Variants in NIPA2 observed in about 807,000 individuals in gnomAD.
The protein encoded by NIPA2 is NIPA magnesium transporter 2, also known as magnesium transporter NIPA2.
NIPA2 carries 11 observed loss-of-function variants against 29.7 expected under a neutral mutation model. The observed-to-expected ratio is 0.37, with a 90% CI of 0.23 to 0.61. The LOEUF is 0.61. Ranked by LOEUF, NIPA2 falls within the 20% of genes least tolerant of loss-of-function variation. NIPA2 has a pLI of 0.66. For missense variants in NIPA2, 426 were observed against 437.9 expected (o/e 0.97, Z 0.24); for synonymous variants, 183 against 161.9 (o/e 1.13, Z -0.99).
At chr15:22,866,089 A>T in intron 7 of NIPA2, 124 bp from the exon 8 acceptor site, 1 of 769,512 alleles carries the variant, frequency 1.3e-6, no homozygotes, top group Non-Finnish European at 2.1e-6. Context: ...CTGCAAAATA[A>T]AGCTGATTTT....
Position 22,851,763 on chromosome 15 carries a change from A to T in NIPA2, c.32A>T (p.Tyr11Phe). The T allele has an allele frequency of 6.2e-7, 1 of 1,613,352 alleles. No individual in the cohort carries two copies. The highest frequency in any genetic ancestry group is 8.5e-7 in the Non-Finnish European group (1 of 1,179,660). The change falls in exon 4 of 8, where the codon TAT becomes TTT. Residue 11 changes from tyrosine to phenylalanine, a missense_variant. By Grantham distance (22) the Tyr-to-Phe change is conservative. Around this residue, in one of 3 missense-constraint regions of NIPA2, gnomAD observed 57 missense variants for 66.6 expected, o/e 0.86. Transcript: ENST00000337451. ...CAGGGGCGTGGAAAATATGACTTCT[A>T]TATTGGTCTGGGATTGGCTATGAGC... MSQGRGKYDF[Y>F]IGLGLAMSSS...
At position 22,868,362 on chromosome 15, in the gene NIPA2, A is replaced by AAATAAAT. The variant is rs1555392626; in HGVS notation, c.*1520_*1521insATAATAA. On this transcript the variant is annotated 3_prime_UTR_variant, in exon 8 of 8. Transcript: ENST00000337451. The stretch of plus-strand genomic sequence containing the variant: ...CTCATTTGAACATGCATAGGTTAAT[A>AAATAAAT]AATAATAAATTCTTATTTAACATTT... 1.3e-5 allele frequency: 2 copies of AAATAAAT among 151,954 alleles called. No individual in the cohort carries two copies. The highest frequency in any genetic ancestry group is 2.9e-5 in the Non-Finnish European group (2 of 68,008). 9.4% of individuals were successfully genotyped at this position (151,954 alleles called of 1,614,324 possible). A position where few individuals can be genotyped will look rare whatever the true frequency, so the allele number is the denominator to read the frequency against.
Position 22,851,802 on chromosome 15 carries a change from T to C in NIPA2, c.71T>C (p.Ile24Thr), listed in dbSNP as rs367588241. 74 of 1,613,668 alleles carry C rather than the reference T, an allele frequency of 4.6e-5. No homozygotes were observed. Among genetic ancestry groups the C allele is most frequent in the African/African-American group, 2.3e-4 (17 of 74,992 alleles). The change falls in exon 4 of 8, where the codon ATT becomes ACT. Residue 24 changes from isoleucine (I) to threonine (T), a missense_variant. Transcript: ENST00000337451. Reference protein sequence around the residue: ...LGLAMSSSIFIGGSFILKKKG... With the variant: ...LGLAMSSSIFTGGSFILKKKG... ...TTGGCTATGAGCTCCAGCATTTTCA[T>C]TGGAGGAAGTTTCATTTTGAAAAAA...
rs543680453 is a variant in NIPA2 at position 22,840,306 on chromosome 15, T to G, written c.-216+516T>G. Among the ~76,000 whole-genome samples the G allele has an allele frequency of 3.7e-3, 556 of 150,136 alleles. 2 individuals are homozygous for G. The highest frequency in any genetic ancestry group is 8.0e-3 in the African/African-American group (329 of 41,068). Reference sequence around the variant, plus strand: ...CTATATATAGTTTTTTTTTTTGTTTTTTTTTTTTTGAGATGGAATCTTGCT... The same window carrying G: ...CTATATATAGTTTTTTTTTTTGTTTGTTTTTTTTTGAGATGGAATCTTGCT... On this transcript the variant is annotated intron_variant, in intron 2 of 7. Transcript: ENST00000337451.
At chr15:22,843,269 C>T (rs967694827) in intron 2 of NIPA2, among the ~76,000 whole-genome samples, 12 of 152,010 alleles carry the variant, frequency 7.9e-5, no homozygotes, top group Non-Finnish European at 1.8e-4. Flanking sequence ...CTTTAGGAGG[C>T]CAAGGCTGTT....
At chr15:22,839,084 GATTGCCGT>G (rs996235640) in intron 1 of NIPA2, 163 bp downstream of exon 1, 7 of 152,220 alleles carry the variant, frequency 4.6e-5, no homozygotes, top group Admixed American at 4.6e-4. Flanking sequence ...CCGTGAATCG[GATTGCCGT>G]TCAGTCCCAC....
intron 3 of NIPA2, among the ~76,000 whole-genome samples, chr15:22,845,618 C>T (rs1898407622): frequency 6.6e-6 from 1 of 152,026 alleles, no homozygotes; most frequent in African/African-American, 2.4e-5. Context: ...GAGTTAATTG[C>T]AGAAGTCTTT....
intron 3 of NIPA2, among the ~76,000 whole-genome samples, chr15:22,846,788 C>T (rs1898763542): frequency 6.7e-6 from 1 of 149,566 alleles, no homozygotes; most frequent in Admixed American, 6.7e-5. Flanking sequence ...TGCACTCCAG[C>T]CTGGGTGACA....
At position 22,849,784 on chromosome 15, in the gene NIPA2, G is replaced by A. The variant is rs542162896; in HGVS notation, c.-93-1855G>A. Among the ~76,000 whole-genome samples the A allele has an allele frequency of 3.2e-4, 49 of 151,826 alleles. 3 individuals carry two copies. In the South Asian group the frequency reaches 8.9e-3, roughly 28 times the overall value. On this transcript the variant is annotated intron_variant, in intron 3 of 7. Coordinates refer to ENST00000337451, the MANE Select transcript of NIPA2 (RefSeq NM_030922.7). Reference sequence around the variant, plus strand: ...TTCACCGTGTTAGCCAGGATGACTCGATCTCCTGACCTTGTGATCCACCAG... The same window carrying A: ...TTCACCGTGTTAGCCAGGATGACTCAATCTCCTGACCTTGTGATCCACCAG...
At chr15:22,848,967 G>C (rs2057501612) in intron 3 of NIPA2, among the ~76,000 whole-genome samples, 1 of 152,062 alleles carries the variant, frequency 6.6e-6, no homozygotes, top group African/African-American at 2.4e-5. Flanking sequence ...GAGCCCAGGA[G>C]CTTACAGTCT....
chr15:22,852,027 T>G (rs756028496), intron 4 of NIPA2, among the ~76,000 whole-genome samples, 157 bp downstream of exon 4: 27 of 152,188 alleles, frequency 1.8e-4, no homozygotes, highest in Non-Finnish European at 3.4e-4. Flanking sequence ...TTTGGTTATT[T>G]ATATTGAGAA....
rs1898257407 is a variant in NIPA2, at chr15:22,845,155, G to A, written c.-206G>A. 1 of 152,204 alleles carries A rather than the reference G, an allele frequency of 6.6e-6. No individual in the cohort carries two copies. The highest frequency in any genetic ancestry group is 2.1e-4 in the South Asian group (1 of 4,832). The allele number at this position is 152,204 out of a possible 1,614,324, so 9.4% of individuals were successfully genotyped here. ...AATATCTCTGTTGCAGGCTCTCCCG[G>A]CTGTGATAGACCTTCAGTTACAGAG... On this transcript the variant is annotated 5_prime_UTR_variant, in exon 3 of 8. Transcript: ENST00000337451.
chr15:22,867,018 G>GC lies in NIPA2; in HGVS notation c.*171_*172insC. The stretch of plus-strand genomic sequence containing the variant: ...CTTTTCTTGTATTTAAACAAACAAT[G>GC]GTAGCTCACTAAAATGACCTCAGCA... On this transcript the variant is annotated 3_prime_UTR_variant, in exon 8 of 8. Transcript: ENST00000337451. 1.6e-6 allele frequency: 1 copy of GC among 607,414 alleles called. No homozygotes were observed. The highest frequency in any genetic ancestry group is 2.8e-6 in the Non-Finnish European group (1 of 360,424). 37.6% of individuals were successfully genotyped at this position (607,414 alleles called of 1,614,324 possible).
Position 22,866,895 on chromosome 15 carries a change from GAAT to G in NIPA2, c.*50_*52del, listed in dbSNP as rs1252100507. 6.8e-7 allele frequency: 1 copy of G among 1,471,422 alleles called. No homozygotes were observed. Among genetic ancestry groups the G allele is most frequent in the African/African-American group, 1.4e-5 (1 of 70,912 alleles). The allele number at this position is 1,471,422 out of a possible 1,614,324, so 91.1% of individuals were successfully genotyped here. ...TCTGTGATTGTTATGAAGTGAATTT[GAAT>G]ATCATCAGAATGTGTCTGAAAAAAC... On this transcript the variant is annotated 3_prime_UTR_variant, in exon 8 of 8. Coordinates refer to ENST00000337451, the MANE Select transcript of NIPA2 (RefSeq NM_030922.7).
intron 3 of NIPA2, 68 bp downstream of exon 3, chr15:22,845,335 A>C (rs1167700580): frequency 6.6e-6 from 1 of 152,108 alleles, no homozygotes; most frequent in Non-Finnish European, 1.5e-5. Context: ...AAGGCTTGCA[A>C]ATTGTATGCT....
In NIPA2 at chr15:22,866,506, G is replaced by A; in HGVS notation, c.742G>A (p.Val248Met). The change falls in exon 8 of 8, where the codon GTG becomes ATG. Residue 248 changes from valine (V) to methionine (M), a missense_variant. Physicochemically the swap from Val to Met is conservative, Grantham distance 21 (BLOSUM62 1). Transcript: ENST00000337451. ...CCTGGATATATTCAACACTTCCATT[G>A]TGACTCCAATATATTATGTATTCTT... ...RALDIFNTSI[V>M]TPIYYVFFTT... is the part of the protein sequence containing the mutation. 6 of 1,613,776 alleles carry A rather than the reference G, an allele frequency of 3.7e-6. No individual in the cohort carries two copies. Among genetic ancestry groups the A allele is most frequent in the Non-Finnish European group, 5.1e-6 (6 of 1,179,714 alleles).
Position 22,854,846 on chromosome 15 carries a change from C to T in NIPA2, c.196+1578C>T, listed in dbSNP as rs182386231. The stretch of plus-strand genomic sequence containing the variant: ...CAGGTATTCAAGTCTTTCTATTTGT[C>T]GTACCCTCATAGTGCATTTAAATGG... On this transcript the variant is annotated intron_variant, in intron 5 of 7. Transcript: ENST00000337451. 3.9e-5 allele frequency among the ~76,000 whole-genome samples: 6 copies of T among 152,182 alleles called. No individual in the cohort carries two copies. The East Asian group carries it at 5.8e-4, about 15-fold the overall frequency.
At chr15:22,863,418 C>T (rs1012010554) in intron 7 of NIPA2, among the ~76,000 whole-genome samples, 6 of 152,138 alleles carry the variant, frequency 3.9e-5, no homozygotes, top group Non-Finnish European at 8.8e-5. Context: ...AGCCCTTTGG[C>T]TCTCAACTGA....
chr15:22,857,987 G>T (rs1423971356), intron 5 of NIPA2, among the ~76,000 whole-genome samples: 2 of 152,110 alleles, frequency 1.3e-5, no homozygotes, highest in Non-Finnish European at 2.9e-5. Flanking sequence ...CCTTATGTCA[G>T]CATGAGCTAG....
Sources: allele counts gnomAD v4.1 joint callset (sites outside exome capture counted in the v4.1 genomes callset), GRCh38; gene constraint gnomAD v4.1.1; regional missense constraint gnomAD v4.1.1; transcripts MANE v1.5; gene names NCBI Gene and HGNC (gene_info 2026-07-23, HGNC 2026-07-21).